Variants in CHODL observed in about 807,000 individuals in gnomAD.
CHODL encodes chondrolectin, also known as transmembrane protein MT75.
CHODL carries 29 observed loss-of-function variants against 34.5 expected under a neutral mutation model. That is an observed-to-expected ratio of 0.84 (90% CI 0.63 to 1.15). The LOEUF is 1.15. Ranked by LOEUF, CHODL falls within the 50% of genes most tolerant of loss-of-function variation. The pLI is 0.00. For synonymous variants in CHODL, 125 were observed against 116.1 expected, an observed-to-expected ratio of 1.08 and a Z score of -0.49; for missense variants, 332 against 332.5, an observed-to-expected ratio of 1.00 and a Z score of 0.01.
chr21:18,237,868 A>G (rs1441015045), intron 2 of CHODL, among the ~76,000 whole-genome samples: 1 of 152,178 alleles, frequency 6.6e-6, no homozygotes, highest in African/African-American at 2.4e-5. Context: ...GGTGGAGAAT[A>G]AACTAGCTCA....
chr21:17,918,314 C>T lies in CHODL; in HGVS notation c.-145+914C>T, dbSNP rs950026331. 5.9e-5 allele frequency among the ~76,000 whole-genome samples: 9 copies of T among 152,068 alleles called. No homozygotes were observed. The South Asian group carries it at 1.2e-3, about 21-fold the overall frequency. On this transcript the variant is annotated intron_variant, in intron 1 of 6. Transcript: ENST00000400127. ...AAGTAGTTATTATACTGTATTAGTC[C>T]GTTTTCACACTGCTGATAAAGACAT...
intron 1 of CHODL, among the ~76,000 whole-genome samples, chr21:17,962,826 G>A (rs2063541270): frequency 6.6e-6 from 1 of 152,128 alleles, no homozygotes. Context: ...CACTTTGGGA[G>A]GCTGAGGCGG....
intron 2 of CHODL, among the ~76,000 whole-genome samples, chr21:18,206,897 T>A (rs975455855): frequency 1.3e-5 from 2 of 148,956 alleles, no homozygotes; most frequent in African/African-American, 5.1e-5. Flanking sequence ...TATTATTATT[T>A]TATTATACTT....
intron 3 of CHODL, 86 bp downstream of exon 3, chr21:18,257,213 T>G (rs1019415569): frequency 1.6e-6 from 2 of 1,266,690 alleles, no homozygotes; most frequent in African/African-American, 3.0e-5. Context: ...TACCTGTGGC[T>G]CTTTTTGTTT....
chr21:18,016,523 C>T (rs1265359617), intron 1 of CHODL, among the ~76,000 whole-genome samples: 1 of 152,170 alleles, frequency 6.6e-6, no homozygotes, highest in Non-Finnish European at 1.5e-5. Flanking sequence ...GACCTTGCTA[C>T]CCTACAAAGC....
At chr21:17,932,811 G>A (rs1158910922) in intron 1 of CHODL, among the ~76,000 whole-genome samples, 2 of 152,080 alleles carry the variant, frequency 1.3e-5, no homozygotes, top group African/African-American at 2.4e-5. Context: ...GACAAAGTAT[G>A]GAGAAAGAAA....
intron 2 of CHODL, among the ~76,000 whole-genome samples, chr21:18,131,156 G>A (rs1457830927): frequency 6.6e-6 from 1 of 151,956 alleles, no homozygotes; most frequent in Non-Finnish European, 1.5e-5. Flanking sequence ...AGAGAGCAGA[G>A]AGAGAGAGAG....
intron 2 of CHODL, among the ~76,000 whole-genome samples, chr21:18,053,972 CCTT>C (rs2064548644): frequency 6.6e-6 from 1 of 151,562 alleles, no homozygotes; most frequent in Non-Finnish European, 1.5e-5. Context: ...ATATATCACA[CCTT>C]ATATGACATA....
intron 1 of CHODL, among the ~76,000 whole-genome samples, chr21:17,943,414 CTT>C (rs2063381543): frequency 6.6e-6 from 1 of 152,150 alleles, no homozygotes; most frequent in South Asian, 2.1e-4. Context: ...TGCAATAACT[CTT>C]TTAATATATA....
intron 2 of CHODL, among the ~76,000 whole-genome samples, chr21:18,086,070 C>G (rs1405391784): frequency 6.3e-5 from 3 of 47,752 alleles, no homozygotes; most frequent in South Asian, 7.2e-4. Flanking sequence ...TTTTTTTTGC[C>G]TGCTTGGATT....
chr21:18,120,033 G>C (rs1270369359), intron 2 of CHODL, among the ~76,000 whole-genome samples: 1 of 152,262 alleles, frequency 6.6e-6, no homozygotes, highest in East Asian at 1.9e-4. Context: ...TCTTGGGATG[G>C]TGGTTGCAAG....
intron 1 of CHODL, among the ~76,000 whole-genome samples, chr21:17,983,594 A>G (rs918469444): frequency 6.6e-6 from 1 of 152,134 alleles, no homozygotes; most frequent in Non-Finnish European, 1.5e-5. Context: ...ATAGTATCTT[A>G]ATTATTGCTT....
intron 2 of CHODL, among the ~76,000 whole-genome samples, chr21:18,130,770 G>A (rs1452068820): frequency 1.3e-5 from 2 of 152,110 alleles, no homozygotes; most frequent in African/African-American, 2.4e-5. Flanking sequence ...ATTCGAAATC[G>A]ATAGATATGT....
chr21:18,192,307 T>C (rs2073520537), intron 2 of CHODL, among the ~76,000 whole-genome samples: 1 of 152,196 alleles, frequency 6.6e-6, no homozygotes, highest in Admixed American at 6.5e-5. Context: ...TAATGAACTT[T>C]TTTTTGCTGC....
At chr21:18,174,409 A>G (rs2824680) in intron 2 of CHODL, among the ~76,000 whole-genome samples, 15,800 of 151,870 alleles carry the variant, frequency 0.1, 1,041 homozygotes, top group South Asian at 0.17. Context: ...TAAAGTTTGA[A>G]TTAAATGAAA....
chr21:18,176,192 A>C (rs2073309210), intron 2 of CHODL, among the ~76,000 whole-genome samples: 1 of 152,212 alleles, frequency 6.6e-6, no homozygotes, highest in Non-Finnish European at 1.5e-5. Flanking sequence ...AAACATTTAG[A>C]GATAAGTTAG....
intron 2 of CHODL, among the ~76,000 whole-genome samples, chr21:18,187,242 C>T (rs1344780180): frequency 6.6e-6 from 1 of 152,224 alleles, no homozygotes; most frequent in Admixed American, 6.5e-5. Context: ...AGTGTTCTAG[C>T]CAGATAAGAT....
At chr21:18,139,474 A>T (rs1391900598) in intron 2 of CHODL, among the ~76,000 whole-genome samples, 1 of 152,170 alleles carries the variant, frequency 6.6e-6, no homozygotes, top group Non-Finnish European at 1.5e-5. Context: ...TCGAGGCATG[A>T]AAGCTCATGG....
At chr21:18,248,605 A>ACC in intron 1 of CHODL, among the ~76,000 whole-genome samples, 1 of 133,442 alleles carries the variant, frequency 7.5e-6, no homozygotes, top group African/African-American at 2.9e-5. Context: ...TATAAAATAT[A>ACC]TGTATAATAC....
Sources: allele counts gnomAD v4.1 joint callset (sites outside exome capture counted in the v4.1 genomes callset), GRCh38; gene constraint gnomAD v4.1.1; transcripts MANE v1.5; gene names NCBI Gene and HGNC (gene_info 2026-07-23, HGNC 2026-07-21).